Variants in TRIP6 observed in about 807,000 individuals in gnomAD.
TRIP6 encodes the protein thyroid receptor-interacting protein 6.
Under a neutral mutation model 51.9 loss-of-function variants are expected in TRIP6, and 33 were observed. The observed-to-expected ratio is 0.64, with a 90% CI of 0.48 to 0.85. The LOEUF is 0.85. Among genes scored for constraint, TRIP6 ranks in the 40% least tolerant of loss-of-function variants. The probability of loss-of-function intolerance (pLI) is 0.00; values close to 1 mark genes in which losing one functional copy is unlikely to be tolerated. For synonymous variants in TRIP6, 255 were observed against 275.8 expected (o/e 0.92, Z 0.75); for missense variants, 661 against 652.1 (o/e 1.01, Z -0.15).
Position 100,868,833 on chromosome 7 carries a change from A to G in TRIP6, c.702A>G (p.Ala234=), listed in dbSNP as rs1344864313. The G allele has an allele frequency of 1.3e-6, 2 of 1,515,796 alleles. No individual in the cohort carries two copies. The highest frequency in any genetic ancestry group is 1.8e-6 in the Non-Finnish European group (2 of 1,137,642). The allele number at this position is 1,515,796 out of a possible 1,614,324, so 93.9% of individuals were successfully genotyped here. A position where few individuals can be genotyped will look rare whatever the true frequency, so the allele number is the denominator to read the frequency against. Residue 234 remains alanine (A), a synonymous_variant, in exon 4 of 9, where the codon GCA becomes GCG. Coordinates refer to ENST00000200457, the MANE Select transcript of TRIP6 (RefSeq NM_003302.3). ...KEEAAGVSGP[A]GRGRGGEHGP... Reference sequence around the variant, plus strand: ...AAGCTGCTGGGGTCTCTGGCCCTGCAGGAAGAGGAAGAGGAGGCGAGCACG... The same window carrying G: ...AAGCTGCTGGGGTCTCTGGCCCTGCGGGAAGAGGAAGAGGAGGCGAGCACG...
intron 7 of TRIP6, 42 bp from the exon 8 acceptor site, chr7:100,872,582 A>G (rs377456300): frequency 6.2e-7 from 1 of 1,610,856 alleles, no homozygotes; most frequent in Non-Finnish European, 8.5e-7. Flanking sequence ...GTGCCCTGCA[A>G]CCCCAAGGCT....
chr7:100,873,065 G>T lies in TRIP6; in HGVS notation c.1300-107G>T, dbSNP rs955671753. ...AGGGTTTCACCATATTGGCCAGGCTGGTCTTGAACTCCTGACCTTGTGATC... is the reference window on the plus strand; with the variant it reads ...AGGGTTTCACCATATTGGCCAGGCTTGTCTTGAACTCCTGACCTTGTGATC... On this transcript the variant is annotated intron_variant, in intron 8 of 8. Coordinates refer to ENST00000200457, the MANE Select transcript of TRIP6 (RefSeq NM_003302.3). 9 of 1,452,650 alleles carry T rather than the reference G, an allele frequency of 6.2e-6. No individual in the cohort carries two copies. The African/African-American group carries it at 1.3e-4, about 20-fold the overall frequency. The allele number at this position is 1,452,650 out of a possible 1,614,324, so 90.0% of individuals were successfully genotyped here.
intron 6 of TRIP6, 194 bp downstream of exon 6, chr7:100,870,937 C>T (rs1053722862): frequency 5.4e-5 from 41 of 753,902 alleles, no homozygotes; most frequent in Non-Finnish European, 6.1e-5. Context: ...AAGGGAAGGA[C>T]GCAGCTCTTA....
rs199742325 is a variant in TRIP6, at chr7:100,867,944, G to A, written c.193G>A (p.Gly65Arg). The A allele has an allele frequency of 6.6e-7, 1 of 1,514,716 alleles. No individual in the cohort carries two copies. The highest frequency in any genetic ancestry group is 2.3e-5 in the East Asian group (1 of 42,714). 93.8% of individuals were successfully genotyped at this position (1,514,716 alleles called of 1,614,324 possible). Reference protein sequence around the residue: ...YQAPGGPEDRGPAWVGSHGVL... With the variant: ...YQAPGGPEDRRPAWVGSHGVL... ...GGCCCCAGGGGGACCGGAGGATCGG[G>A]GGCCGGCGTGGGTGGGGTCCCATGG... The change falls in exon 2 of 9, where the codon GGG becomes AGG. Residue 65 changes from glycine (G) to arginine (R), a missense_variant. Transcript: ENST00000200457. The surrounding 1 kb of genome is among the most constrained non-coding windows in gnomAD (Gnocchi z 5.4).
intron 8 of TRIP6, 67 bp downstream of exon 8, chr7:100,872,811 AAC>A (rs909481478): frequency 1.3e-6 from 2 of 1,585,666 alleles, no homozygotes; most frequent in African/African-American, 2.7e-5. Flanking sequence ...CATGAGGGGG[AAC>A]ACAGAGGTCT....
chr7:100,870,266 G>A lies in TRIP6; in HGVS notation c.736-104G>A, dbSNP rs557545119. On this transcript the variant is annotated intron_variant, in intron 4 of 8. Coordinates refer to ENST00000200457, the MANE Select transcript of TRIP6 (RefSeq NM_003302.3). ...TTTGCTTGCCCATTGCTCAGCTCCT[G>A]CTGTGTGGCCCAGTTCCTAACAGGC... is the stretch of plus-strand genomic sequence containing the variant. 3 of 1,156,192 alleles carry A rather than the reference G, an allele frequency of 2.6e-6. No individual in the cohort carries two copies. In the East Asian group the frequency reaches 7.6e-5, roughly 29 times the overall value. The allele number at this position is 1,156,192 out of a possible 1,614,324, so 71.6% of individuals were successfully genotyped here. A position where few individuals can be genotyped will look rare whatever the true frequency, so the allele number is the denominator to read the frequency against.
At position 100,872,615 on chromosome 7, in the gene TRIP6, C is replaced by T; in HGVS notation, c.1179-9C>T. 1 of 1,613,870 alleles carries T rather than the reference C, an allele frequency of 6.2e-7. No homozygotes were observed. Among genetic ancestry groups the T allele is most frequent in the Non-Finnish European group, 8.5e-7 (1 of 1,179,840 alleles). On this transcript the variant is annotated splice_polypyrimidine_tract_variant and intron_variant, in intron 7 of 8. Coordinates refer to ENST00000200457, the MANE Select transcript of TRIP6 (RefSeq NM_003302.3). Reference sequence around the variant, plus strand: ...GCTTGATGGCCTTCTTGGTTCTCTTCCCCTGCAGGAAGTTTGCCCCAAGAT... The same window carrying T: ...GCTTGATGGCCTTCTTGGTTCTCTTTCCCTGCAGGAAGTTTGCCCCAAGAT...
At chr7:100,872,077 C>T (rs1211574169) in intron 7 of TRIP6, among the ~76,000 whole-genome samples, 4 of 147,522 alleles carry the variant, frequency 2.7e-5, no homozygotes, top group Non-Finnish European at 3.0e-5. Context: ...TGCAGTGGCA[C>T]GATCTCAGCT....
At position 100,867,449 on chromosome 7, in the gene TRIP6, A is replaced by T. The variant is rs1218047181; in HGVS notation, c.-49A>T. 7.5e-7 allele frequency: 1 copy of T among 1,332,186 alleles called. No homozygotes were observed. Among genetic ancestry groups the T allele is most frequent in the East Asian group, 3.0e-5 (1 of 33,310 alleles). 82.5% of individuals were successfully genotyped at this position (1,332,186 alleles called of 1,614,324 possible). On this transcript the variant is annotated 5_prime_UTR_variant, in exon 1 of 9. Transcript: ENST00000200457. This position sits in a 1 kb window ranked among gnomAD's most constrained non-coding sequence, Gnocchi z 5.4. ...CGGGACGGAAGAGGGGGTGAAGGCC[A>T]GAGGCTCGGGGCTTCAAGACCGCTG...
Position 100,867,834 on chromosome 7 carries a change from C to G in TRIP6, c.110-27C>G. 1 of 1,536,164 alleles carries G rather than the reference C, an allele frequency of 6.5e-7. No individual in the cohort carries two copies. ...ACCCCTCCTGTCCTCCGCCACCCCA[C>G]CTTTGATTTCTCTTCCCTCAACCCA... On this transcript the variant is annotated intron_variant, in intron 1 of 8. Transcript: ENST00000200457. This position sits in a 1 kb window ranked among gnomAD's most constrained non-coding sequence, Gnocchi z 5.4.
Position 100,868,524 on chromosome 7 carries a change from C to CCGCA in TRIP6, c.396_399dup (p.Gly134HisfsTer75). 1 of 1,613,102 alleles carries CCGCA rather than the reference C, an allele frequency of 6.2e-7. No individual in the cohort carries two copies. Among genetic ancestry groups the CCGCA allele is most frequent in the Non-Finnish European group, 8.5e-7 (1 of 1,180,016 alleles). On this transcript the variant is annotated frameshift_variant, in exon 4 of 9. Transcript: ENST00000200457. LOFTEE classifies it high-confidence loss of function. ...ATGAGCCCCCGCCACCTCCTGCCTACCGCACGGGCTCCCTGAAGCCAAATC... is the reference window on the plus strand; with the variant it reads ...ATGAGCCCCCGCCACCTCCTGCCTACCGCACGCACGGGCTCCCTGAAGCCAAATC...
Position 100,867,820 on chromosome 7 carries a change from C to T in TRIP6, c.110-41C>T. The T allele has an allele frequency of 6.5e-7, 1 of 1,531,652 alleles. No individual in the cohort carries two copies. Among genetic ancestry groups the T allele is most frequent in the South Asian group, 1.3e-5 (1 of 75,672 alleles). 94.9% of individuals were successfully genotyped at this position (1,531,652 alleles called of 1,614,324 possible). A position where few individuals can be genotyped will look rare whatever the true frequency, so the allele number is the denominator to read the frequency against. On this transcript the variant is annotated intron_variant, in intron 1 of 8. Coordinates refer to ENST00000200457, the MANE Select transcript of TRIP6 (RefSeq NM_003302.3). This position sits in a 1 kb window ranked among gnomAD's most constrained non-coding sequence, Gnocchi z 5.4. The stretch of plus-strand genomic sequence containing the variant: ...CTCCTCAAATATACACCCCTCCTGT[C>T]CTCCGCCACCCCACCTTTGATTTCT...
At chr7:100,868,404 C>T in intron 3 of TRIP6, 91 bp from the exon 4 acceptor site, 1 of 1,597,404 alleles carries the variant, frequency 6.3e-7, no homozygotes, top group Non-Finnish European at 8.5e-7. Context: ...TGCAAAAAGC[C>T]TGTGCTTCCC....
chr7:100,867,874 C>T lies in TRIP6; in HGVS notation c.123C>T (p.His41=), dbSNP rs752839269. The T allele has an allele frequency of 1.3e-6, 2 of 1,533,960 alleles. No homozygotes were observed. Among genetic ancestry groups the T allele is most frequent in the East Asian group, 2.3e-5 (1 of 42,970 alleles). The change falls in exon 2 of 9, where the codon CAC becomes CAT. Residue 41 remains histidine, a synonymous_variant. Coordinates refer to ENST00000200457, the MANE Select transcript of TRIP6 (RefSeq NM_003302.3). This position sits in a 1 kb window ranked among gnomAD's most constrained non-coding sequence, Gnocchi z 5.4. ...PPAHGAALQP[H]PRVNFCPLPS... ...CCCTCAACCCAGCACTCCAGCCCCACCCCAGGGTCAATTTTTGCCCCCTTC... is the reference window on the plus strand; with the variant it reads ...CCCTCAACCCAGCACTCCAGCCCCATCCCAGGGTCAATTTTTGCCCCCTTC...
chr7:100,870,984 T>TA, intron 6 of TRIP6: 1 of 681,160 alleles, frequency 1.5e-6, no homozygotes, highest in Non-Finnish European at 2.6e-6. Context: ...GAGAATGTGT[T>TA]AGATTCCCAT....
rs1584717150 is a variant in TRIP6, at chr7:100,867,948, C to T, written c.197C>T (p.Pro66Leu). 6 of 1,514,012 alleles carry T rather than the reference C, an allele frequency of 4.0e-6. No individual in the cohort carries two copies. In the South Asian group the frequency reaches 5.4e-5, roughly 14 times the overall value. 93.8% of individuals were successfully genotyped at this position (1,514,012 alleles called of 1,614,324 possible). Residue 66 changes from proline (P) to leucine (L), a missense_variant, in exon 2 of 9, where the codon CCG becomes CTG. Transcript: ENST00000200457. The surrounding 1 kb of genome is among the most constrained non-coding windows in gnomAD (Gnocchi z 5.4). Reference sequence around the variant, plus strand: ...CCAGGGGGACCGGAGGATCGGGGGCCGGCGTGGGTGGGGTCCCATGGAGTA... The same window carrying T: ...CCAGGGGGACCGGAGGATCGGGGGCTGGCGTGGGTGGGGTCCCATGGAGTA... The part of the protein sequence containing the change: ...QAPGGPEDRG[P>L]AWVGSHGVLQ...
chr7:100,868,785 G>C lies in TRIP6; in HGVS notation c.654G>C (p.Glu218Asp). 1.3e-6 allele frequency: 2 copies of C among 1,527,812 alleles called. No homozygotes were observed. The highest frequency in any genetic ancestry group is 1.8e-6 in the Non-Finnish European group (2 of 1,142,336). 94.6% of individuals were successfully genotyped at this position (1,527,812 alleles called of 1,614,324 possible). ...VWGPGYRSQR[E>D]PGPGAKEEAA... ...GGCCTGGCTATAGGAGCCAGAGAGAGCCAGGGCCAGGGGCCAAAGAGGAAG... is the reference window on the plus strand; with the variant it reads ...GGCCTGGCTATAGGAGCCAGAGAGACCCAGGGCCAGGGGCCAAAGAGGAAG... The change falls in exon 4 of 9, where the codon GAG (glutamate) becomes GAC (aspartate). Residue 218 changes from glutamate to aspartate, a missense_variant. Physicochemically the swap from Glu to Asp is conservative, Grantham distance 45. Transcript: ENST00000200457.
Position 100,868,763 on chromosome 7 carries a change from C to A in TRIP6, c.632C>A (p.Pro211His). 6.5e-7 allele frequency: 1 copy of A among 1,543,946 alleles called. No homozygotes were observed. Among genetic ancestry groups the A allele is most frequent in the Admixed American group, 2.1e-5 (1 of 47,540 alleles). Reference sequence around the variant, plus strand: ...CCAGGCCGAGGTGAAGTCTGGGGGCCTGGCTATAGGAGCCAGAGAGAGCCA... The same window carrying A: ...CCAGGCCGAGGTGAAGTCTGGGGGCATGGCTATAGGAGCCAGAGAGAGCCA... ...PLPGRGEVWG[P>H]GYRSQREPGP... Residue 211 changes from proline (P) to histidine (H), a missense_variant, in exon 4 of 9, where the codon CCT becomes CAT. By Grantham distance (77) the Pro-to-His change is moderately conservative. Coordinates refer to ENST00000200457, the MANE Select transcript of TRIP6 (RefSeq NM_003302.3).
chr7:100,871,643 T>G lies in TRIP6; in HGVS notation c.1100T>G (p.Val367Gly), dbSNP rs770472424. 1 of 1,613,980 alleles carries G rather than the reference T, an allele frequency of 6.2e-7. No homozygotes were observed. Among genetic ancestry groups the G allele is most frequent in the Admixed American group, 1.7e-5 (1 of 59,996 alleles). Residue 367 changes from valine to glycine, a missense_variant, in exon 7 of 9, where the codon GTG becomes GGG. Coordinates refer to ENST00000200457, the MANE Select transcript of TRIP6 (RefSeq NM_003302.3). Reference sequence around the variant, plus strand: ...CACCCTGGCTGCTTCACCTGCGTGGTGTGTCACCGCGGCCTCGACGGCATC... The same window carrying G: ...CACCCTGGCTGCTTCACCTGCGTGGGGTGTCACCGCGGCCTCGACGGCATC... ...AYHPGCFTCV[V>G]CHRGLDGIPF...
Sources: gnomAD v4.1 joint callset for allele counts (sites outside exome capture counted in the v4.1 genomes callset) on GRCh38, gnomAD v4.1.1 for gene constraint, Gnocchi (gnomAD v3.1) non-coding constraint, MANE v1.5 for transcripts, NCBI Gene and HGNC (gene_info 2026-07-23, HGNC 2026-07-21) for gene names.